The following HERC6 variants were observed in gnomAD, a reference collection of about 807,000 sequenced individuals.
HERC6 encodes the protein probable E3 ubiquitin-protein ligase HERC6.
HERC6 carries 101 observed loss-of-function variants against 114.5 expected under a neutral mutation model. That is an observed-to-expected ratio of 0.88 (90% confidence interval 0.75 to 1.04). The LOEUF is 1.04. Ranked by LOEUF, HERC6 falls within the 50% of genes least tolerant of loss-of-function variation. HERC6 has a pLI of 0.00. For missense variants in HERC6, 1,133 were observed against 1,230.9 expected, an observed-to-expected ratio of 0.92 and a Z score of 1.19; for synonymous variants, 408 against 436.2, an observed-to-expected ratio of 0.94 and a Z score of 0.81.
At chr4:88,435,981 G>T in intron 18 of HERC6, 90 bp downstream of exon 18, 2 of 933,300 alleles carry the variant, frequency 2.1e-6, no homozygotes, top group South Asian at 3.0e-5. Flanking sequence ...AGACAGATAT[G>T]GTCTTCAATT....
At chr4:88,418,902 T>C (rs960844218) in intron 13 of HERC6, among the ~76,000 whole-genome samples, 2 of 152,092 alleles carry the variant, frequency 1.3e-5, no homozygotes, top group Non-Finnish European at 2.9e-5. Flanking sequence ...AATTTTTGTA[T>C]GTTTAATAGA....
At chr4:88,417,615 T>A in intron 13 of HERC6, 36 bp downstream of exon 13, 1 of 1,562,980 alleles carries the variant, frequency 6.4e-7, no homozygotes, top group South Asian at 1.2e-5. Context: ...TGTACTATTT[T>A]ATGTAATCAA....
chr4:88,381,153 A>G (rs930047262), intron 1 of HERC6, among the ~76,000 whole-genome samples: 6 of 152,152 alleles, frequency 3.9e-5, no homozygotes, highest in African/African-American at 1.4e-4. Context: ...ATTTGACTAC[A>G]TTTTTGATGA....
At chr4:88,384,399 A>T (rs1479145203) in intron 2 of HERC6, among the ~76,000 whole-genome samples, 1 of 152,202 alleles carries the variant, frequency 6.6e-6, no homozygotes, top group Non-Finnish European at 1.5e-5. Context: ...GCTTGTCATA[A>T]ACCACTGGGC....
At chr4:88,387,183 G>A (rs1406950814) in intron 3 of HERC6, among the ~76,000 whole-genome samples, 1 of 152,140 alleles carries the variant, frequency 6.6e-6, no homozygotes, top group Non-Finnish European at 1.5e-5. Context: ...GATCACTTGA[G>A]GCCAGGAGTT....
At chr4:88,413,324 C>T (rs756306226) in intron 12 of HERC6, 58 bp downstream of exon 12, 24 of 1,281,816 alleles carry the variant, frequency 1.9e-5, no homozygotes, top group African/African-American at 1.5e-4. Flanking sequence ...CTGAAGTAGA[C>T]GTTGTAGCAA....
chr4:88,436,096 G>A (rs1738702829), intron 18 of HERC6, among the ~76,000 whole-genome samples: 1 of 152,168 alleles, frequency 6.6e-6, no homozygotes. Flanking sequence ...TTATTAACAA[G>A]TGGAAGAAAC....
At position 88,379,054 on chromosome 4, in the gene HERC6, C is replaced by G; in HGVS notation, c.133C>G (p.Leu45Val). The G allele has an allele frequency of 6.4e-7, 1 of 1,557,886 alleles. No homozygotes were observed. ...GCTGCTGCTGACCAACCACAGGGTC[C>G]TCTCGTGCGGAGACAACAGCAGGGG... ...SLLLLTNHRV[L>V]SCGDNSRGQL... The change falls in exon 1 of 23, where the codon CTC becomes GTC. Residue 45 changes from leucine to valine, a missense_variant. Physicochemically the swap from Leu to Val is conservative, Grantham distance 32. Around this residue, in one of 3 missense-constraint regions of HERC6, gnomAD observed 735 missense variants for 754.0 expected, o/e 0.97. Transcript: ENST00000264346.
At chr4:88,430,689 A>G (rs917390074) in intron 16 of HERC6, among the ~76,000 whole-genome samples, 1 of 152,332 alleles carries the variant, frequency 6.6e-6, no homozygotes, top group African/African-American at 2.4e-5. Context: ...CAAAGGTCTC[A>G]TGCCCAGGCA....
At chr4:88,397,161 G>A (rs1043766017) in intron 7 of HERC6, among the ~76,000 whole-genome samples, 174 bp downstream of exon 7, 8 of 151,760 alleles carry the variant, frequency 5.3e-5, no homozygotes, top group African/African-American at 1.9e-4. Context: ...TGCCCAGGCT[G>A]GAGTGCAATG....
At position 88,442,380 on chromosome 4, in the gene HERC6, A is replaced by C. The variant is rs1465454677; in HGVS notation, c.2989A>C (p.Met997Leu). The change falls in exon 23 of 23, where the codon ATG becomes CTG. Residue 997 changes from methionine to leucine, a missense_variant. Coordinates refer to ENST00000264346, the MANE Select transcript of HERC6 (RefSeq NM_017912.4). ...TCTCTCCCTCCCTAAGTATTCTACAATGGAAAGAATGGAGGAAGCACTTCA... is the reference window on the plus strand; with the variant it reads ...TCTCTCCCTCCCTAAGTATTCTACACTGGAAAGAATGGAGGAAGCACTTCA... ...NILSLPKYST[M>L]ERMEEALQVA... The C allele has an allele frequency of 3.1e-6, 5 of 1,613,972 alleles. No homozygotes were observed. Among genetic ancestry groups the C allele is most frequent in the Non-Finnish European group, 4.2e-6 (5 of 1,179,928 alleles).
In HERC6 at chr4:88,393,488, T is replaced by C; in HGVS notation, c.665T>C (p.Val222Ala). The C allele has an allele frequency of 1.2e-6, 2 of 1,604,370 alleles. No individual in the cohort carries two copies. Among genetic ancestry groups the C allele is most frequent in the Non-Finnish European group, 1.7e-6 (2 of 1,172,968 alleles). ...TAGAGATTCTGCTTTCTTTCAACAG[T>C]GCAAAGCAACAAGCCTCTCTCAGTC... ...QLALSGRNVP[V>A]QSNKPLSVGA... is the part of the protein sequence containing the mutation. The change falls in exon 5 of 23, where the codon GTG becomes GCG. Residue 222 changes from valine to alanine, a missense_variant and splice_region_variant. By Grantham distance (64) the Val-to-Ala change is moderately conservative. This residue lies in a region of HERC6 where 735 missense variants were observed against 754.0 expected (regional missense o/e 0.97). Coordinates refer to ENST00000264346, the MANE Select transcript of HERC6 (RefSeq NM_017912.4).
At chr4:88,400,385 C>T (rs955271490) in intron 8 of HERC6, among the ~76,000 whole-genome samples, 4 of 152,006 alleles carry the variant, frequency 2.6e-5, no homozygotes, top group South Asian at 2.1e-4. Context: ...TTTGTAGAGA[C>T]GGCGTTTCGC....
chr4:88,396,674 G>A (rs968246205), intron 6 of HERC6, among the ~76,000 whole-genome samples, 177 bp from the exon 7 acceptor site: 6 of 152,202 alleles, frequency 3.9e-5, no homozygotes, highest in East Asian at 1.9e-4. Context: ...TTGACTGACC[G>A]TCTGTTTAGC....
chr4:88,383,105 G>A, intron 1 of HERC6, 116 bp from the exon 2 acceptor site: 2 of 1,312,482 alleles, frequency 1.5e-6, no homozygotes, highest in Non-Finnish European at 1.0e-6. Flanking sequence ...AAGACCATTG[G>A]AGGAGACAAG....
intron 3 of HERC6, among the ~76,000 whole-genome samples, chr4:88,389,858 G>A (rs151082940): frequency 6.6e-6 from 1 of 152,178 alleles, no homozygotes; most frequent in Non-Finnish European, 1.5e-5. Flanking sequence ...ATACCTCATG[G>A]TCTCACTTAG....
intron 2 of HERC6, 128 bp downstream of exon 2, chr4:88,383,508 C>T: frequency 4.4e-6 from 3 of 688,598 alleles, no homozygotes; most frequent in South Asian, 3.9e-5. Flanking sequence ...TCTGTAATCC[C>T]AACACTTTGG....
chr4:88,402,340 G>A (rs1439398166), intron 8 of HERC6, among the ~76,000 whole-genome samples: 2 of 152,194 alleles, frequency 1.3e-5, no homozygotes, highest in Non-Finnish European at 2.9e-5. Context: ...AGACATTGTA[G>A]TTTGTCATAA....
intron 17 of HERC6, 34 bp downstream of exon 17, chr4:88,431,339 C>T (rs1738182119): frequency 6.4e-7 from 1 of 1,569,856 alleles, no homozygotes. Context: ...TCCCCCAGAA[C>T]AGAAAAGGCA....
Sources: gnomAD v4.1 joint callset for allele counts (sites outside exome capture counted in the v4.1 genomes callset) on GRCh38, gnomAD v4.1.1 for gene constraint, gnomAD v4.1.1 regional missense constraint, MANE v1.5 for transcripts, NCBI Gene and HGNC (gene_info 2026-07-23, HGNC 2026-07-21) for gene names.